GSG1L: variants seen among roughly 807,000 people sequenced by gnomAD.
GSG1L encodes GSG1 like.
In GSG1L, 24 loss-of-function variants were observed where a neutral mutation model predicts 42.1. The ratio of observed to expected loss-of-function variants is 0.57; its 90% CI spans 0.41 to 0.80. The LOEUF (loss-of-function observed/expected upper bound fraction) is 0.80. Ranked by LOEUF, GSG1L falls within the 30% of genes least tolerant of loss-of-function variation. The pLI, the probability that GSG1L is intolerant of heterozygous loss-of-function variation, is 0.00. For missense variants in GSG1L, 445 were observed against 472.2 expected, an observed-to-expected ratio of 0.94 and a Z score of 0.53; for synonymous variants, 215 against 203.5, an observed-to-expected ratio of 1.06 and a Z score of -0.48.
At chr16:27,889,311 T>G (rs1481756588) in intron 2 of GSG1L, among the ~76,000 whole-genome samples, 1 of 152,202 alleles carries the variant, frequency 6.6e-6, no homozygotes, top group African/African-American at 2.4e-5. Context: ...ATTGCTAGAT[T>G]TATTTCCTTA....
intron 1 of GSG1L, among the ~76,000 whole-genome samples, chr16:27,978,253 G>A (rs2085273091): frequency 6.6e-6 from 1 of 152,184 alleles, no homozygotes; most frequent in African/African-American, 2.4e-5. Flanking sequence ...ATCTCCTCCT[G>A]TAGGTCTGGT....
At chr16:27,901,902 C>T (rs534723770) in intron 2 of GSG1L, among the ~76,000 whole-genome samples, 1 of 152,224 alleles carries the variant, frequency 6.6e-6, no homozygotes, top group Non-Finnish European at 1.5e-5. Context: ...CACCTCAGGG[C>T]CTTTGCACTT....
At position 27,884,720 on chromosome 16, in the gene GSG1L, C is replaced by G; in HGVS notation, c.398-82G>C. Reference sequence around the variant, plus strand: ...CCTGTGCCTATTCCTCCCACAACAGCAGAGGGTAGCAAGTCATTCTAGAAT... The same window carrying G: ...CCTGTGCCTATTCCTCCCACAACAGGAGAGGGTAGCAAGTCATTCTAGAAT... On this transcript the variant is annotated intron_variant, in intron 2 of 6. Coordinates refer to ENST00000447459, the MANE Select transcript of GSG1L (RefSeq NM_001109763.2). The surrounding 1 kb of genome is among the most constrained non-coding windows in gnomAD (Gnocchi z 4.4). 7.4e-7 allele frequency: 1 copy of G among 1,347,492 alleles called. No homozygotes were observed. The highest frequency in any genetic ancestry group is 1.0e-6 in the Non-Finnish European group (1 of 985,908). 83.5% of individuals were successfully genotyped at this position (1,347,492 alleles called of 1,614,324 possible). A position where few individuals can be genotyped will look rare whatever the true frequency, so the allele number is the denominator to read the frequency against.
At chr16:27,870,335 CATCT>C (rs1265853453) in intron 3 of GSG1L, among the ~76,000 whole-genome samples, 8 of 149,210 alleles carry the variant, frequency 5.4e-5, no homozygotes, top group South Asian at 2.1e-4. Context: ...TGTCTCCCTC[CATCT>C]GTCTCTCCTT....
At chr16:27,982,396 T>A (rs1219300993) in intron 1 of GSG1L, among the ~76,000 whole-genome samples, 2 of 152,100 alleles carry the variant, frequency 1.3e-5, no homozygotes, top group Non-Finnish European at 2.9e-5. Flanking sequence ...ATGTGAGCAG[T>A]GGGTCACGTG....
chr16:27,882,983 A>C (rs1265242884), intron 3 of GSG1L, among the ~76,000 whole-genome samples: 1 of 151,188 alleles, frequency 6.6e-6, no homozygotes, highest in Non-Finnish European at 1.5e-5. Flanking sequence ...GGTCGGGGGG[A>C]TGGGGGTTGC....
At chr16:27,882,867 A>T (rs536304214) in intron 3 of GSG1L, among the ~76,000 whole-genome samples, 1 of 152,266 alleles carries the variant, frequency 6.6e-6, no homozygotes, top group East Asian at 1.9e-4. Context: ...GTGCTATGAG[A>T]GGCTGAAGCA....
intron 1 of GSG1L, among the ~76,000 whole-genome samples, chr16:27,972,926 G>A (rs1460297799): frequency 1.3e-5 from 2 of 152,182 alleles, no homozygotes; most frequent in African/African-American, 2.4e-5. Context: ...GGCACCGGCC[G>A]ATCCTTCAGG....
chr16:27,980,708 C>A (rs747695367), intron 1 of GSG1L, among the ~76,000 whole-genome samples: 1 of 151,878 alleles, frequency 6.6e-6, no homozygotes, highest in East Asian at 1.9e-4. Context: ...CATGGTGAAA[C>A]CCTGACTCTA....
At chr16:27,905,389 A>G (rs1444660858) in intron 2 of GSG1L, among the ~76,000 whole-genome samples, 1 of 150,842 alleles carries the variant, frequency 6.6e-6, no homozygotes, top group Non-Finnish European at 1.5e-5. Context: ...CAGCAGTGCA[A>G]TCATAGCTCA....
intron 3 of GSG1L, among the ~76,000 whole-genome samples, chr16:27,849,691 GTATTTATTTATT>G (rs747204110): frequency 6.6e-6 from 1 of 151,860 alleles, no homozygotes; most frequent in Admixed American, 6.6e-5. Context: ...CTTGGCTATT[GTATTTATTTATT>G]TATTTATTTA....
chr16:28,016,674 C>T (rs2085785028), intron 1 of GSG1L, among the ~76,000 whole-genome samples: 2 of 152,224 alleles, frequency 1.3e-5, no homozygotes, highest in African/African-American at 4.8e-5. Flanking sequence ...CAGATGAGAA[C>T]TGCTACTAAA....
intron 1 of GSG1L, among the ~76,000 whole-genome samples, chr16:28,003,464 A>G (rs1315874683): frequency 2.6e-5 from 4 of 152,276 alleles, no homozygotes; most frequent in South Asian, 2.1e-4. Context: ...CCAGCCCTAC[A>G]GAAGCCAACC....
intron 1 of GSG1L, among the ~76,000 whole-genome samples, chr16:27,982,324 C>T (rs975423511): frequency 6.6e-6 from 1 of 152,190 alleles, no homozygotes; most frequent in Admixed American, 6.5e-5. Context: ...TATGATTGTG[C>T]CATTGCACTC....
chr16:27,888,406 TTC>T (rs2084057556), intron 2 of GSG1L, among the ~76,000 whole-genome samples: 1 of 10,260 alleles, frequency 9.7e-5, no homozygotes, highest in Non-Finnish European at 3.6e-4. Flanking sequence ...TTCTCCTTCT[TTC>T]TTTCTTTCTT....
chr16:27,819,730 T>C (rs2083132059), intron 5 of GSG1L, among the ~76,000 whole-genome samples: 1 of 152,098 alleles, frequency 6.6e-6, no homozygotes, highest in Non-Finnish European at 1.5e-5. Context: ...TGATGAGGAA[T>C]TGGGTCTTTG....
intron 2 of GSG1L, among the ~76,000 whole-genome samples, chr16:27,908,840 A>G (rs889262441): frequency 1.3e-5 from 2 of 151,946 alleles, no homozygotes; most frequent in African/African-American, 4.8e-5. Context: ...TGCTTGGCCA[A>G]CTCCTACACA....
chr16:28,030,541 A>G (rs952834645), intron 1 of GSG1L, among the ~76,000 whole-genome samples: 1 of 152,208 alleles, frequency 6.6e-6, no homozygotes, highest in Non-Finnish European at 1.5e-5. Context: ...AGTTGATGTT[A>G]TATGAGCACC....
At chr16:27,806,759 T>A (rs1370504966) in intron 6 of GSG1L, among the ~76,000 whole-genome samples, 1 of 152,198 alleles carries the variant, frequency 6.6e-6, no homozygotes, top group Admixed American at 6.5e-5. Flanking sequence ...CCTCTGCCAG[T>A]GATTAGCTAA....
Sources: allele counts gnomAD v4.1 joint callset (sites outside exome capture counted in the v4.1 genomes callset), GRCh38; gene constraint gnomAD v4.1.1; non-coding constraint Gnocchi (gnomAD v3.1); transcripts MANE v1.5; gene names NCBI Gene and HGNC (gene_info 2026-07-23, HGNC 2026-07-21).